The following RSF1 variants were observed in gnomAD, a reference collection of about 807,000 sequenced individuals.
RSF1 encodes remodeling and spacing factor 1.
A neutral mutation model predicts 145.2 loss-of-function variants in RSF1; 13 were observed. The observed-to-expected ratio is 0.09, with a 90% confidence interval of 0.06 to 0.14. RSF1 has a LOEUF of 0.14. RSF1 is among the 10% of genes least tolerant of loss of function. The pLI is 1.00. For synonymous variants in RSF1, 577 were observed against 592.6 expected (o/e 0.97, Z 0.38); for missense variants, 1,517 against 1,718.2 (o/e 0.88, Z 2.07).
intron 4 of RSF1, among the ~76,000 whole-genome samples, chr11:77,736,133 G>C (rs1313652194): frequency 6.6e-6 from 1 of 152,172 alleles, no homozygotes; most frequent in African/African-American, 2.4e-5. Context: ...TGAAAAATGT[G>C]TGACAACATC....
intron 2 of RSF1, among the ~76,000 whole-genome samples, chr11:77,754,824 C>G (rs1265714316): frequency 6.6e-6 from 1 of 151,026 alleles, no homozygotes; most frequent in Non-Finnish European, 1.5e-5. Context: ...GTAGTCCCAG[C>G]CTGGTATAGC....
At chr11:77,854,016 ACTCTC>A in the RSF1 span, among the ~76,000 whole-genome samples, 1 of 140,762 alleles carries the variant, frequency 7.1e-6, no homozygotes, top group Non-Finnish European at 1.5e-5. Context: ...TTTGAGACAG[ACTCTC>A]GCTCCGTTGC....
At chr11:77,732,266 G>A (rs1961225315) in intron 4 of RSF1, among the ~76,000 whole-genome samples, 1 of 152,186 alleles carries the variant, frequency 6.6e-6, no homozygotes, top group African/African-American at 2.4e-5. Flanking sequence ...TATCTCATTT[G>A]GAATGGCTGT....
intron 5 of RSF1, among the ~76,000 whole-genome samples, chr11:77,719,949 T>C (rs1960905179): frequency 6.6e-6 from 1 of 152,080 alleles, no homozygotes; most frequent in Non-Finnish European, 1.5e-5. Flanking sequence ...AAAGACAAAG[T>C]AGATTAATGG....
At chr11:77,803,314 A>AT (rs1314317534) in intron 1 of RSF1, among the ~76,000 whole-genome samples, 1 of 151,766 alleles carries the variant, frequency 6.6e-6, no homozygotes, top group East Asian at 2.0e-4. Flanking sequence ...AACCCAGCTA[A>AT]TTTTTTTATT....
chr11:77,706,945 C>T (rs576095209), intron 5 of RSF1, among the ~76,000 whole-genome samples: 1 of 152,210 alleles, frequency 6.6e-6, no homozygotes, highest in South Asian at 2.1e-4. Context: ...ACCAGGCAAG[C>T]ACTCAATGTT....
In RSF1 at chr11:77,820,676, A is replaced by T; in HGVS notation, c.39T>A (p.Pro13=). The change falls in exon 1 of 16, where the codon CCT becomes CCA. Residue 13 remains proline (P), a synonymous_variant. Coordinates refer to ENST00000308488, the MANE Select transcript of RSF1 (RefSeq NM_016578.4). ...TAAAAAAVMA[P]PGCPGSCPNF... ...TGGGGCACGAACCCGGGCAGCCCGGAGGAGCCATCACCGCCGCCGCTGCCG... is the reference window on the plus strand; with the variant it reads ...TGGGGCACGAACCCGGGCAGCCCGGTGGAGCCATCACCGCCGCCGCTGCCG... The T allele has an allele frequency of 6.4e-7, 1 of 1,555,188 alleles. No homozygotes were observed. The highest frequency in any genetic ancestry group is 8.7e-7 in the Non-Finnish European group (1 of 1,150,744).
intron 5 of RSF1, among the ~76,000 whole-genome samples, chr11:77,703,972 G>T (rs1055422804): frequency 6.6e-6 from 1 of 152,106 alleles, no homozygotes; most frequent in Non-Finnish European, 1.5e-5. Flanking sequence ...CTTGTTTAAC[G>T]GTTAAAATAC....
the RSF1 span, among the ~76,000 whole-genome samples, chr11:77,860,943 T>G: frequency 1.3e-5 from 2 of 152,074 alleles, no homozygotes; most frequent in East Asian, 1.9e-4. Context: ...CCCCTAAAAT[T>G]GGAGTATTGC....
At chr11:77,770,315 A>G (rs1378997117) in intron 1 of RSF1, among the ~76,000 whole-genome samples, 1 of 152,120 alleles carries the variant, frequency 6.6e-6, no homozygotes, top group Non-Finnish European at 1.5e-5. Flanking sequence ...ACAAAAAATT[A>G]GCCAGGTGTG....
At chr11:77,868,357 C>CTTT in the RSF1 span, among the ~76,000 whole-genome samples, 4 of 116,778 alleles carry the variant, frequency 3.4e-5, no homozygotes, top group East Asian at 2.5e-4. Flanking sequence ...GCCCAGCCGC[C>CTTT]TTTTTTTTTT....
chr11:77,853,921 AC>A, the RSF1 span, among the ~76,000 whole-genome samples: 1 of 151,778 alleles, frequency 6.6e-6, no homozygotes, highest in Non-Finnish European at 1.5e-5. Context: ...AGCCTGAGTG[AC>A]AGAGTGAGAC....
intron 5 of RSF1, among the ~76,000 whole-genome samples, chr11:77,721,811 A>AT (rs1960946466): frequency 6.6e-6 from 1 of 152,096 alleles, no homozygotes; most frequent in Non-Finnish European, 1.5e-5. Flanking sequence ...CACAGTAAGT[A>AT]TTCACTGAAT....
At chr11:77,864,074 C>T in the RSF1 span, among the ~76,000 whole-genome samples, 2 of 151,648 alleles carry the variant, frequency 1.3e-5, no homozygotes, top group African/African-American at 2.4e-5. Context: ...TTACAGGTGC[C>T]TGCTACCACA....
chr11:77,732,559 C>T (rs544956341), intron 4 of RSF1, among the ~76,000 whole-genome samples: 1 of 152,276 alleles, frequency 6.6e-6, no homozygotes, highest in Non-Finnish European at 1.5e-5. Flanking sequence ...TGCCACAATT[C>T]CCATCTGCTG....
At chr11:77,833,433 G>C in the RSF1 span, among the ~76,000 whole-genome samples, 1 of 152,118 alleles carries the variant, frequency 6.6e-6, no homozygotes, top group Non-Finnish European at 1.5e-5. Context: ...GTTCACAATA[G>C]GGTTCACGCA....
the RSF1 span, among the ~76,000 whole-genome samples, chr11:77,865,092 G>A: frequency 6.6e-6 from 1 of 152,154 alleles, no homozygotes; most frequent in Non-Finnish European, 1.5e-5. Flanking sequence ...TGTCTCCCTT[G>A]TATATATTTT....
rs72947622 is a variant in RSF1 at position 77,687,742 on chromosome 11, A to G, written c.2901-2583T>C. On this transcript the variant is annotated intron_variant, in intron 9 of 15. Coordinates refer to ENST00000308488, the MANE Select transcript of RSF1 (RefSeq NM_016578.4). ...GACATTTAAACAAAGAGGATTACCTAGAGTAGGAGAGAAAGTAAAGGAACT... is the reference window on the plus strand; with the variant it reads ...GACATTTAAACAAAGAGGATTACCTGGAGTAGGAGAGAAAGTAAAGGAACT... 8.9e-3 allele frequency among the ~76,000 whole-genome samples: 1,355 copies of G among 152,280 alleles called. 30 individuals are homozygous for G. The highest frequency in any genetic ancestry group is 0.025 in the East Asian group (130 of 5,184).
At chr11:77,858,102 T>C in the RSF1 span, among the ~76,000 whole-genome samples, 1 of 151,902 alleles carries the variant, frequency 6.6e-6, no homozygotes, top group South Asian at 2.1e-4. Context: ...CACTATAACC[T>C]GAAACTCCTG....
Sources: gnomAD v4.1 joint callset for allele counts (sites outside exome capture counted in the v4.1 genomes callset) on GRCh38, gnomAD v4.1.1 for gene constraint, MANE v1.5 for transcripts, NCBI Gene and HGNC (gene_info 2026-07-23, HGNC 2026-07-21) for gene names.